The following IGFBP7 variants were observed in gnomAD, a reference collection of about 807,000 sequenced individuals.
IGFBP7 encodes insulin-like growth factor-binding protein 7.
A neutral mutation model predicts 29.4 loss-of-function variants in IGFBP7; 31 were observed. The ratio of observed to expected loss-of-function variants is 1.05; its 90% CI spans 0.79 to 1.42. IGFBP7 has a LOEUF of 1.42. Ranked by LOEUF, IGFBP7 falls within the 40% of genes most tolerant of loss-of-function variation. The pLI, the probability that IGFBP7 is intolerant of heterozygous loss-of-function variation, is 0.00. For missense variants in IGFBP7, 393 were observed against 395.5 expected, an observed-to-expected ratio of 0.99 and a Z score of 0.05; for synonymous variants, 172 against 174.9, an observed-to-expected ratio of 0.98 and a Z score of 0.13.
chr4:57,076,267 A>C lies in IGFBP7; in HGVS notation c.475+33610T>G, dbSNP rs6844731. On this transcript the variant is annotated intron_variant, in intron 1 of 4. Coordinates refer to ENST00000295666, the MANE Select transcript of IGFBP7 (RefSeq NM_001553.3). Reference sequence around the variant, plus strand: ...CATCACACTGGGGGTTAAAGCTTCCACAGAGAAATTTTCTGGGGGACACCA... The same window carrying C: ...CATCACACTGGGGGTTAAAGCTTCCCCAGAGAAATTTTCTGGGGGACACCA... 3.7e-3 allele frequency among the ~76,000 whole-genome samples: 566 copies of C among 152,328 alleles called. 7 individuals carry two copies. The highest frequency in any genetic ancestry group is 0.013 in the African/African-American group (544 of 41,582).
chr4:57,084,543 C>A (rs1725448711), intron 1 of IGFBP7, among the ~76,000 whole-genome samples: 1 of 152,270 alleles, frequency 6.6e-6, no homozygotes, highest in Non-Finnish European at 1.5e-5. Context: ...AATCATTCCA[C>A]CTCCTCCATG....
At chr4:57,104,536 T>G (rs183932465) in intron 1 of IGFBP7, among the ~76,000 whole-genome samples, 5 of 152,222 alleles carry the variant, frequency 3.3e-5, no homozygotes, top group Non-Finnish European at 7.3e-5. Flanking sequence ...TACTGAAGGA[T>G]AGTAGAACAT....
intron 1 of IGFBP7, among the ~76,000 whole-genome samples, chr4:57,104,306 T>C (rs1045245347): frequency 1.3e-5 from 2 of 152,136 alleles, no homozygotes; most frequent in African/African-American, 4.8e-5. Flanking sequence ...TTCTTATCCC[T>C]GTCTCAGTCA....
intron 1 of IGFBP7, among the ~76,000 whole-genome samples, chr4:57,050,371 A>G (rs1294882227): frequency 6.6e-6 from 1 of 150,934 alleles, no homozygotes; most frequent in Non-Finnish European, 1.5e-5. Flanking sequence ...CATCCTCCTG[A>G]GTAGCTGGGA....
At chr4:57,107,932 A>C (rs553888636) in intron 1 of IGFBP7, among the ~76,000 whole-genome samples, 2 of 152,336 alleles carry the variant, frequency 1.3e-5, no homozygotes, top group South Asian at 4.1e-4. Context: ...TAAACTAGAA[A>C]TTGACAACAC....
At chr4:57,055,264 G>T (rs986178071) in intron 1 of IGFBP7, among the ~76,000 whole-genome samples, 2 of 152,076 alleles carry the variant, frequency 1.3e-5, no homozygotes, top group Admixed American at 6.5e-5. Context: ...GACTCATCTG[G>T]GTGTGTCGAA....
intron 1 of IGFBP7, among the ~76,000 whole-genome samples, chr4:57,072,397 G>GT (rs1725073693): frequency 6.6e-6 from 1 of 152,152 alleles, no homozygotes; most frequent in South Asian, 2.1e-4. Context: ...GTGTGTTTGT[G>GT]TGGGGTGCCC....
Position 57,036,476 on chromosome 4 carries a change from C to T in IGFBP7, c.586-3165G>A, listed in dbSNP as rs146122017. On this transcript the variant is annotated intron_variant, in intron 2 of 4. Coordinates refer to ENST00000295666, the MANE Select transcript of IGFBP7 (RefSeq NM_001553.3). ...AAAAGAATTAAACAGAGAGCCTCTC[C>T]GTCTCAGAAACAAATATTGGGAAGG... Among the ~76,000 whole-genome samples the T allele has an allele frequency of 4.0e-3, 606 of 152,286 alleles. 1 individual carries two copies. The highest frequency in any genetic ancestry group is 6.1e-3 in the Non-Finnish European group (414 of 68,030).
At chr4:57,033,668 G>A (rs1724007408) in intron 2 of IGFBP7, among the ~76,000 whole-genome samples, 1 of 152,102 alleles carries the variant, frequency 6.6e-6, no homozygotes. Context: ...ATGTTCAACT[G>A]ATGAACTGTC....
At chr4:57,085,714 C>G (rs1410240028) in intron 1 of IGFBP7, among the ~76,000 whole-genome samples, 3 of 152,004 alleles carry the variant, frequency 2.0e-5, no homozygotes, top group Non-Finnish European at 2.9e-5. Context: ...TTTCTCTGTG[C>G]TTTTTTAAAA....
chr4:57,070,808 T>C (rs960058516), intron 1 of IGFBP7, among the ~76,000 whole-genome samples: 5 of 152,202 alleles, frequency 3.3e-5, no homozygotes, highest in African/African-American at 1.2e-4. Flanking sequence ...ACAAGGGATG[T>C]TCAGTGCATT....
intron 1 of IGFBP7, among the ~76,000 whole-genome samples, chr4:57,064,287 T>A (rs541642006): frequency 6.6e-6 from 1 of 152,274 alleles, no homozygotes; most frequent in Non-Finnish European, 1.5e-5. Context: ...CTAGTGATCT[T>A]CCCACCTCGG....
intron 1 of IGFBP7, among the ~76,000 whole-genome samples, chr4:57,095,545 C>T (rs556555560): frequency 3.3e-5 from 5 of 152,278 alleles, no homozygotes; most frequent in Admixed American, 6.5e-5. Flanking sequence ...CTCTCACAAC[C>T]GCCTTGTGAG....
intron 1 of IGFBP7, among the ~76,000 whole-genome samples, chr4:57,071,241 T>C (rs1280983655): frequency 2.0e-5 from 3 of 152,208 alleles, no homozygotes; most frequent in African/African-American, 7.2e-5. Flanking sequence ...ACAAAGAATG[T>C]TCCTCCTGCT....
chr4:57,052,113 C>T (rs942885300), intron 1 of IGFBP7, among the ~76,000 whole-genome samples: 4 of 152,090 alleles, frequency 2.6e-5, no homozygotes, highest in African/African-American at 4.8e-5. Flanking sequence ...TGGAGGTCTC[C>T]GCATCAGGAT....
rs1723998485 is a variant in IGFBP7, at chr4:57,033,440, GA to G, written c.586-130del. 6.8e-6 allele frequency: 5 copies of G among 740,624 alleles called. No homozygotes were observed. In the East Asian group the frequency reaches 1.2e-4, roughly 18 times the overall value. 45.9% of individuals were successfully genotyped at this position (740,624 alleles called of 1,614,324 possible). ...AACAGAGTAAACCCAGCATTTCACT[GA>G]ACTATTTCCCTTTCCTAAATACTTT... On this transcript the variant is annotated intron_variant, in intron 2 of 4. Transcript: ENST00000295666.
intron 1 of IGFBP7, among the ~76,000 whole-genome samples, chr4:57,067,902 C>G (rs1724959590): frequency 6.6e-6 from 1 of 152,074 alleles, no homozygotes; most frequent in South Asian, 2.1e-4. Context: ...TCTCTTCCCC[C>G]TGGAGAATAA....
chr4:57,105,182 C>G (rs878869628), intron 1 of IGFBP7, among the ~76,000 whole-genome samples: 6 of 152,234 alleles, frequency 3.9e-5, no homozygotes, highest in Admixed American at 3.9e-4. Context: ...GCGTTCTTAG[C>G]ATGGCTCTAC....
At chr4:57,080,170 G>C (rs1008793619) in intron 1 of IGFBP7, among the ~76,000 whole-genome samples, 1 of 152,188 alleles carries the variant, frequency 6.6e-6, no homozygotes, top group African/African-American at 2.4e-5. Context: ...CTACAAGAAT[G>C]AATGAACCAA....
Sources: allele counts gnomAD v4.1 joint callset (sites outside exome capture counted in the v4.1 genomes callset), GRCh38; gene constraint gnomAD v4.1.1; transcripts MANE v1.5; gene names NCBI Gene and HGNC (gene_info 2026-07-23, HGNC 2026-07-21).